METTL6: variants seen among roughly 807,000 people sequenced by gnomAD.
METTL6 encodes the protein methyltransferase 6, tRNA N3-cytidine, also known as tRNA N(3)-cytidine methyltransferase METTL6.
Under a neutral mutation model 26.4 loss-of-function variants are expected in METTL6, and 22 were observed. The observed-to-expected ratio is 0.83, with a 90% confidence interval of 0.59 to 1.19. The LOEUF (loss-of-function observed/expected upper bound fraction) is 1.19. Ranked by LOEUF, METTL6 falls within the 50% of genes most tolerant of loss-of-function variation. METTL6 has a pLI of 0.00. For synonymous variants in METTL6, 109 were observed against 116.2 expected (o/e 0.94, Z 0.40); for missense variants, 304 against 324.8 (o/e 0.94, Z 0.49).
At chr3:15,397,325 T>C (rs923669692) in intron 6 of METTL6, among the ~76,000 whole-genome samples, 3 of 152,176 alleles carry the variant, frequency 2.0e-5, no homozygotes, top group African/African-American at 4.8e-5. Flanking sequence ...TTGCTAAGAC[T>C]GTCGGAAAAG....
chr3:15,402,422 G>T (rs1699672398), intron 6 of METTL6, among the ~76,000 whole-genome samples: 1 of 152,082 alleles, frequency 6.6e-6, no homozygotes, highest in Non-Finnish European at 1.5e-5. Context: ...TGGCAGGTCT[G>T]AGTGGCAGTC....
At chr3:15,418,068 C>A (rs1209871431) in intron 3 of METTL6, among the ~76,000 whole-genome samples, 1 of 152,202 alleles carries the variant, frequency 6.6e-6, no homozygotes, top group Non-Finnish European at 1.5e-5. Context: ...AGACTTCAAA[C>A]AACAGCCCAA....
intron 3 of METTL6, among the ~76,000 whole-genome samples, chr3:15,421,919 AAAAAT>A (rs976182311): frequency 3.9e-5 from 6 of 152,212 alleles, no homozygotes; most frequent in Non-Finnish European, 7.3e-5. Context: ...TCTCAAATTA[AAAAAT>A]AAAATAAAAT....
intron 3 of METTL6, among the ~76,000 whole-genome samples, chr3:15,421,421 A>G (rs1310714362): frequency 2.0e-5 from 3 of 152,180 alleles, no homozygotes; most frequent in African/African-American, 7.2e-5. Flanking sequence ...TGTGTTTCTC[A>G]GTTTCCTACA....
At chr3:15,387,522 G>A (rs987086098) in intron 6 of METTL6, among the ~76,000 whole-genome samples, 2 of 152,184 alleles carry the variant, frequency 1.3e-5, no homozygotes, top group Non-Finnish European at 2.9e-5. Flanking sequence ...GACAGTAGGG[G>A]CCAAGGGAAA....
At chr3:15,392,839 C>A (rs147415002) in intron 6 of METTL6, among the ~76,000 whole-genome samples, 3,228 of 152,196 alleles carry the variant, frequency 0.021, 99 homozygotes, top group African/African-American at 0.072. Context: ...GGGCTCTGTT[C>A]TGTTCCATTG....
intron 2 of METTL6, 113 bp downstream of exon 2, chr3:15,426,174 C>T (rs1457581753): frequency 4.1e-6 from 4 of 970,978 alleles, no homozygotes; most frequent in African/African-American, 3.3e-5. Context: ...CTCTTGACTT[C>T]GTGATCCGCC....
chr3:15,385,135 T>C (rs578185134), intron 6 of METTL6, among the ~76,000 whole-genome samples: 2 of 152,296 alleles, frequency 1.3e-5, no homozygotes, highest in South Asian at 2.1e-4. Flanking sequence ...TTTCCTTCCA[T>C]GTAGTTTCCA....
At chr3:15,383,064 G>A (rs1173883689) in exon 7 of METTL6, 1 of 152,172 alleles carries the variant, frequency 6.6e-6, no homozygotes, top group Non-Finnish European at 1.5e-5. Flanking sequence ...ACTGTACATG[G>A]TGACCATAGT....
chr3:15,404,463 C>T (rs1699732955), intron 6 of METTL6, among the ~76,000 whole-genome samples: 1 of 151,984 alleles, frequency 6.6e-6, no homozygotes, highest in Non-Finnish European at 1.5e-5. Flanking sequence ...CTGCCTCAGC[C>T]TCCCGAGTAC....
Position 15,424,218 on chromosome 3 carries a change from T to C in METTL6, c.360+737A>G, listed in dbSNP as rs938054801. Among the ~76,000 whole-genome samples, 3 of 152,120 alleles carry C rather than the reference T, an allele frequency of 2.0e-5. No individual in the cohort carries two copies. In the South Asian group the frequency reaches 6.2e-4, roughly 31 times the overall value. On this transcript the variant is annotated intron_variant, in intron 3 of 5. Coordinates refer to ENST00000383790, the MANE Select transcript of METTL6 (RefSeq NM_152396.4). ...AAACTAAAAGACACCGGGAACTATT[T>C]GGGGAAATCTGAATTTGGAATGGAT...
chr3:15,403,693 A>G (rs1013781261), intron 6 of METTL6, among the ~76,000 whole-genome samples: 1 of 152,304 alleles, frequency 6.6e-6, no homozygotes, highest in African/African-American at 2.4e-5. Context: ...CCAGACCCCA[A>G]GAGAGGGTTC....
At chr3:15,388,099 T>C (rs904427862) in intron 6 of METTL6, among the ~76,000 whole-genome samples, 2 of 130,946 alleles carry the variant, frequency 1.5e-5, no homozygotes, top group African/African-American at 8.4e-5. Flanking sequence ...TTTGTTGTTG[T>C]TGTTGTTGTT....
At chr3:15,424,373 C>A (rs962802402) in intron 3 of METTL6, among the ~76,000 whole-genome samples, 1 of 152,166 alleles carries the variant, frequency 6.6e-6, no homozygotes, top group Non-Finnish European at 1.5e-5. Flanking sequence ...CTCAAGTGAT[C>A]TTCCCACCTC....
chr3:15,402,942 T>C (rs547052758), intron 6 of METTL6, among the ~76,000 whole-genome samples: 1 of 152,244 alleles, frequency 6.6e-6, no homozygotes, highest in East Asian at 1.9e-4. Flanking sequence ...GCTGTTATCA[T>C]CATTTCAAAG....
At chr3:15,407,182 G>A (rs1030694877), downstream of METTL6, among the ~76,000 whole-genome samples, 1 of 151,990 alleles carries the variant, frequency 6.6e-6, no homozygotes, top group Admixed American at 6.6e-5. Flanking sequence ...ACCACGCCCA[G>A]CTAATTTTTG....
intron 4 of METTL6, chr3:15,414,931 T>C (rs1700130752): frequency 8.7e-7 from 1 of 1,151,286 alleles, no homozygotes; most frequent in Non-Finnish European, 1.1e-6. Context: ...CAAAAATAAA[T>C]AAATAAGTGT....
chr3:15,419,821 A>G (rs1430083580), intron 3 of METTL6, among the ~76,000 whole-genome samples: 1 of 152,076 alleles, frequency 6.6e-6, no homozygotes, highest in African/African-American at 2.4e-5. Flanking sequence ...GCAAAAAAAT[A>G]GAAACAATTC....
chr3:15,403,139 A>G (rs1476808370), intron 6 of METTL6, among the ~76,000 whole-genome samples: 1 of 152,112 alleles, frequency 6.6e-6, no homozygotes, highest in Admixed American at 6.6e-5. Flanking sequence ...TGCCACCATG[A>G]CTGGCTTTTA....
Sources: allele counts gnomAD v4.1 joint callset (sites outside exome capture counted in the v4.1 genomes callset), GRCh38; gene constraint gnomAD v4.1.1; transcripts MANE v1.5; gene names NCBI Gene and HGNC (gene_info 2026-07-23, HGNC 2026-07-21).